IST1: variants seen among roughly 807,000 people sequenced by gnomAD.
IST1 encodes IST1 factor associated with ESCRT-III.
IST1 carries 23 observed loss-of-function variants against 37.0 expected under a neutral mutation model. The ratio of observed to expected loss-of-function variants is 0.62; its 90% confidence interval spans 0.45 to 0.88. The LOEUF (loss-of-function observed/expected upper bound fraction) is 0.88. IST1 is among the 40% of genes least tolerant of loss of function. The pLI is 0.00. For synonymous variants in IST1, 180 were observed against 161.7 expected (o/e 1.11, Z -0.86); for missense variants, 488 against 445.4 (o/e 1.10, Z -0.86).
intron 1 of IST1, among the ~76,000 whole-genome samples, chr16:71,901,020 C>T (rs914659091): frequency 2.6e-5 from 4 of 152,060 alleles, no homozygotes; most frequent in Non-Finnish European, 5.9e-5. Flanking sequence ...TATATAATCA[C>T]ATATGTATAA....
At chr16:71,921,185 A>G (rs1344535994) in intron 5 of IST1, 158 bp from the exon 6 acceptor site, 1 of 614,722 alleles carries the variant, frequency 1.6e-6, no homozygotes, top group East Asian at 2.7e-5. Context: ...GGGTCCTCTG[A>G]TGTGTCTTGT....
intron 1 of IST1, among the ~76,000 whole-genome samples, chr16:71,901,559 C>G (rs1597232591): frequency 6.6e-6 from 1 of 152,244 alleles, no homozygotes; most frequent in Non-Finnish European, 1.5e-5. Flanking sequence ...ATTTAATGTA[C>G]TGGTAATCAT....
At position 71,914,079 on chromosome 16, in the gene IST1, A is replaced by G. The variant is rs570887021; in HGVS notation, c.-15-1547A>G. On this transcript the variant is annotated intron_variant, in intron 1 of 9. Transcript: ENST00000378799. ...CACCTAGGCCTCCCAAAGTGCTGGG[A>G]TTACAGGCGTGAGCCACTGCGCCCG... Among the ~76,000 whole-genome samples, 3 of 150,178 alleles carry G rather than the reference A, an allele frequency of 2.0e-5. No homozygotes were observed. The South Asian group carries it at 6.4e-4, about 32-fold the overall frequency.
chr16:71,930,108 T>G lies in IST1; in HGVS notation c.*2295T>G. On this transcript the variant is annotated 3_prime_UTR_variant, in exon 10 of 10. Transcript: ENST00000378799. ...ATGAGAATGGCCGAAACGAAAAGAT[T>G]AATTACCACAAGTACCATCAAGATG... 2 of 1,551,588 alleles carry G rather than the reference T, an allele frequency of 1.3e-6. No individual in the cohort carries two copies. The highest frequency in any genetic ancestry group is 2.4e-5 in the South Asian group (2 of 84,056).
intron 9 of IST1, among the ~76,000 whole-genome samples, chr16:71,927,362 G>A (rs546868950): frequency 3.2e-4 from 48 of 151,968 alleles, no homozygotes; most frequent in African/African-American, 9.2e-4. Flanking sequence ...GGTGGCATGC[G>A]CCTGTAATCC....
Position 71,927,851 on chromosome 16 carries a change from G to A in IST1, c.*38G>A. On this transcript the variant is annotated 3_prime_UTR_variant, in exon 10 of 10. Coordinates refer to ENST00000378799, the MANE Select transcript of IST1 (RefSeq NM_001270975.2). ...AGGCAACTTTCACGTTTTGGGAGTT[G>A]AGACTGAGCAATTTCTCCTTGTAAC... 7.2e-7 allele frequency: 1 copy of A among 1,397,132 alleles called. No individual in the cohort carries two copies. Among genetic ancestry groups the A allele is most frequent in the Non-Finnish European group, 1.0e-6 (1 of 989,430 alleles). The allele number at this position is 1,397,132 out of a possible 1,614,324, so 86.5% of individuals were successfully genotyped here.
intron 1 of IST1, among the ~76,000 whole-genome samples, chr16:71,907,830 T>C (rs1462071360): frequency 6.6e-6 from 1 of 152,200 alleles, no homozygotes; most frequent in Non-Finnish European, 1.5e-5. Flanking sequence ...TATTTTTATT[T>C]TGAGACAGGA....
chr16:71,915,557 C>T, intron 1 of IST1, 69 bp from the exon 2 acceptor site: 3 of 959,906 alleles, frequency 3.1e-6, no homozygotes, highest in Non-Finnish European at 4.8e-6. Context: ...CATAATTCAC[C>T]CCTAAGAGGT....
intron 4 of IST1, among the ~76,000 whole-genome samples, chr16:71,920,491 ATC>A (rs1414922598): frequency 2.6e-5 from 4 of 152,372 alleles, no homozygotes; most frequent in Middle Eastern, 3.4e-3. Context: ...TAAGAACAGT[ATC>A]TGTTTTGTTC....
intron 8 of IST1, chr16:71,924,219 T>TATATTCAAGAATGCTTTCCCTTTGCCC (rs1264989587): frequency 4.4e-6 from 2 of 454,746 alleles, no homozygotes; most frequent in South Asian, 3.1e-5. Context: ...GTTCTTAAGA[T>TATATTCAAGAATGCTTTCCCTTTGCCC]ATATTCAAGA....
intron 7 of IST1, chr16:71,923,005 T>G (rs2037644470): frequency 6.3e-6 from 3 of 477,472 alleles, no homozygotes; most frequent in Non-Finnish European, 1.1e-5. Flanking sequence ...CAGAACAACC[T>G]TTGTAGATAA....
chr16:71,904,575 A>C (rs2037179374), intron 1 of IST1, among the ~76,000 whole-genome samples: 1 of 152,104 alleles, frequency 6.6e-6, no homozygotes, highest in Non-Finnish European at 1.5e-5. Flanking sequence ...TACCGTGTCC[A>C]GCTAATTTTT....
rs550072525 is a variant in IST1 at position 71,919,302 on chromosome 16, T to C, written c.358-1437T>C. Among the ~76,000 whole-genome samples the C allele has an allele frequency of 2.0e-5, 3 of 152,216 alleles. No individual in the cohort carries two copies. The East Asian group carries it at 5.8e-4, about 29-fold the overall frequency. On this transcript the variant is annotated intron_variant, in intron 4 of 9. Coordinates refer to ENST00000378799, the MANE Select transcript of IST1 (RefSeq NM_001270975.2). ...TGATTGCAGGCTTGAGAACTGACCA[T>C]GTTTGTTTCTGCCAGAGGCCTTTGC...
At chr16:71,920,252 C>T (rs182382802) in intron 4 of IST1, among the ~76,000 whole-genome samples, 1 of 152,318 alleles carries the variant, frequency 6.6e-6, no homozygotes, top group African/African-American at 2.4e-5. Flanking sequence ...ACATCTAGCA[C>T]AGATATCTTG....
chr16:71,897,289 A>G (rs2036995788), intron 1 of IST1, among the ~76,000 whole-genome samples: 1 of 150,696 alleles, frequency 6.6e-6, no homozygotes, highest in Non-Finnish European at 1.5e-5. Context: ...GATTAGAAGT[A>G]TTTTGAATCC....
intron 1 of IST1, among the ~76,000 whole-genome samples, chr16:71,913,574 C>T (rs1476452322): frequency 2.0e-5 from 3 of 152,162 alleles, no homozygotes; most frequent in East Asian, 1.9e-4. Flanking sequence ...GATCTTGGCT[C>T]ACCACAGCCT....
Position 71,930,100 on chromosome 16 carries a change from G to T in IST1, c.*2287G>T, listed in dbSNP as rs369891442. 6.4e-7 allele frequency: 1 copy of T among 1,551,350 alleles called. No homozygotes were observed. On this transcript the variant is annotated 3_prime_UTR_variant, in exon 10 of 10. Coordinates refer to ENST00000378799, the MANE Select transcript of IST1 (RefSeq NM_001270975.2). Reference sequence around the variant, plus strand: ...CAAAGGCCATGAGAATGGCCGAAACGAAAAGATTAATTACCACAAGTACCA... The same window carrying T: ...CAAAGGCCATGAGAATGGCCGAAACTAAAAGATTAATTACCACAAGTACCA...
intron 1 of IST1, among the ~76,000 whole-genome samples, chr16:71,912,810 C>T (rs1357036754): frequency 6.6e-6 from 1 of 152,144 alleles, no homozygotes; most frequent in African/African-American, 2.4e-5. Flanking sequence ...TTCTGTTTCT[C>T]TGAATTTTAG....
At chr16:71,922,133 C>T (rs1385326690) in intron 6 of IST1, among the ~76,000 whole-genome samples, 1 of 151,806 alleles carries the variant, frequency 6.6e-6, no homozygotes, top group Non-Finnish European at 1.5e-5. Context: ...GAGTGAGACT[C>T]CGTCTCAAAA....
Sources: allele counts gnomAD v4.1 joint callset (sites outside exome capture counted in the v4.1 genomes callset), GRCh38; gene constraint gnomAD v4.1.1; transcripts MANE v1.5; gene names NCBI Gene and HGNC (gene_info 2026-07-23, HGNC 2026-07-21).